AARS1: variants seen among roughly 807,000 people sequenced by gnomAD.
AARS1 encodes the protein alanine--tRNA ligase, cytoplasmic.
A neutral mutation model predicts 108.9 loss-of-function variants in AARS1; 72 were observed. The ratio of observed to expected loss-of-function variants is 0.66; its 90% CI spans 0.55 to 0.80. The LOEUF (loss-of-function observed/expected upper bound fraction) is 0.80. Among genes scored for constraint, AARS1 ranks in the 30% least tolerant of loss-of-function variants. The pLI is 0.00. For missense variants in AARS1, 1,193 were observed against 1,233.2 expected, an observed-to-expected ratio of 0.97 and a Z score of 0.49; for synonymous variants, 489 against 465.7, an observed-to-expected ratio of 1.05 and a Z score of -0.64.
chr16:70,277,449 G>A lies in AARS1; in HGVS notation c.145-295C>T, dbSNP rs143531710. Among the ~76,000 whole-genome samples, 827 of 152,214 alleles carry A rather than the reference G, an allele frequency of 5.4e-3. 16 individuals are homozygous for A. The highest frequency in any genetic ancestry group is 0.018 in the African/African-American group (765 of 41,520). ...CAGCCACAGGTTGATGTGGTAAAAC[G>A]TGGGCTTCTTCACCAGTCTCTGAAG... On this transcript the variant is annotated intron_variant, in intron 2 of 20. Transcript: ENST00000261772.
chr16:70,271,821 C>T lies in AARS1; in HGVS notation c.631G>A (p.Val211Met). The change falls in exon 5 of 21, where the codon GTG becomes ATG. Residue 211 changes from valine (V) to methionine (M), a missense_variant. Physicochemically the swap from Val to Met is conservative, Grantham distance 21 (BLOSUM62 1). Coordinates refer to ENST00000261772, the MANE Select transcript of AARS1 (RefSeq NM_001605.3). ...AACACAAGGTTCCAGATCTCCAGCA[C>T]ATTAGGGTCGTCCTGGTTGACAAGA... Reference protein sequence around the residue: ...AHLVNQDDPNVLEIWNLVFIQ... With the variant: ...AHLVNQDDPNMLEIWNLVFIQ... 6.2e-7 allele frequency: 1 copy of T among 1,613,858 alleles called. No individual in the cohort carries two copies.
At chr16:70,266,482 T>A (rs1960266349) in intron 9 of AARS1, among the ~76,000 whole-genome samples, 2 of 148,628 alleles carry the variant, frequency 1.3e-5, no homozygotes, top group African/African-American at 5.0e-5. Context: ...GGCAACAGAG[T>A]GAGACTCCAT....
At chr16:70,275,466 T>C (rs1449527691) in intron 4 of AARS1, among the ~76,000 whole-genome samples, 2 of 129,272 alleles carry the variant, frequency 1.5e-5, no homozygotes, top group Admixed American at 7.9e-5. Flanking sequence ...AATATATATA[T>C]ATAAAAAAAC....
Position 70,254,323 on chromosome 16 carries a change from C to T in AARS1, c.2401-285G>A, listed in dbSNP as rs1327334783. 6 of 585,332 alleles carry T rather than the reference C, an allele frequency of 1.0e-5. No homozygotes were observed. The African/African-American group carries it at 1.1e-4, about 11-fold the overall frequency. The allele number at this position is 585,332 out of a possible 1,614,324, so 36.3% of individuals were successfully genotyped here. A position where few individuals can be genotyped will look rare whatever the true frequency, so the allele number is the denominator to read the frequency against. On this transcript the variant is annotated intron_variant, in intron 17 of 20. Transcript: ENST00000261772. The stretch of plus-strand genomic sequence containing the variant: ...GGCAGCTTGAAATGCAAATAAATAC[C>T]AGGCAGGCTTGGAAGCAGGGGCCAG...
chr16:70,260,320 G>T (rs890646193), intron 13 of AARS1, among the ~76,000 whole-genome samples: 1 of 152,194 alleles, frequency 6.6e-6, no homozygotes, highest in Non-Finnish European at 1.5e-5. Flanking sequence ...AGTGACAGGT[G>T]AGGAGAAACC....
intron 7 of AARS1, among the ~76,000 whole-genome samples, chr16:70,268,782 C>G (rs1215207179): frequency 6.6e-6 from 1 of 152,212 alleles, no homozygotes; most frequent in Admixed American, 6.5e-5. Flanking sequence ...ATCATCTGTA[C>G]TCAGCAGCAG....
intron 3 of AARS1, 34 bp from the exon 4 acceptor site, chr16:70,276,665 T>C (rs1439978773): frequency 6.2e-6 from 10 of 1,611,740 alleles, no homozygotes; most frequent in Admixed American, 1.7e-5. Flanking sequence ...ATATGGAACA[T>C]TGCCAAACCA....
chr16:70,281,277 A>G (rs1486119966), intron 2 of AARS1, among the ~76,000 whole-genome samples: 1 of 152,170 alleles, frequency 6.6e-6, no homozygotes, highest in African/African-American at 2.4e-5. Context: ...CTGTAATCAC[A>G]CCACTTTGGG....
intron 17 of AARS1, chr16:70,254,303 C>A: frequency 1.7e-6 from 1 of 595,278 alleles, no homozygotes; most frequent in Non-Finnish European, 3.0e-6. Flanking sequence ...TTCCTGGCAG[C>A]TTGAAATGCA....
intron 2 of AARS1, among the ~76,000 whole-genome samples, chr16:70,280,916 C>T (rs1023413103): frequency 3.3e-5 from 5 of 152,290 alleles, no homozygotes; most frequent in African/African-American, 1.2e-4. Context: ...TAGCCTTGAC[C>T]TCCCAGGCTC....
In AARS1 at chr16:70,259,209, T is replaced by A. The variant is rs1054341533; in HGVS notation, c.1786-23A>T. ...GGGCTGGAAAGGGCAGAGGGGCTCA[T>A]GGAGAGGTCTGTAATAGACTGCTAG... On this transcript the variant is annotated intron_variant, in intron 13 of 20. Transcript: ENST00000261772. 9 of 1,606,048 alleles carry A rather than the reference T, an allele frequency of 5.6e-6. 1 individual carries two copies. The highest frequency in any genetic ancestry group is 1.7e-5 in the Admixed American group (1 of 59,988).
chr16:70,285,060 T>C (rs1313021287), intron 1 of AARS1, among the ~76,000 whole-genome samples: 1 of 152,126 alleles, frequency 6.6e-6, no homozygotes, highest in Non-Finnish European at 1.5e-5. Context: ...TGAAACCCCA[T>C]CTCTACTAAA....
At chr16:70,259,977 G>A (rs942077360) in intron 13 of AARS1, among the ~76,000 whole-genome samples, 8 of 152,170 alleles carry the variant, frequency 5.3e-5, no homozygotes, top group African/African-American at 1.7e-4. Context: ...TCTCCATGTT[G>A]GTCAGGCTGG....
At chr16:70,258,321 T>A (rs1960044810) in intron 14 of AARS1, 104 bp from the exon 15 acceptor site, 4 of 1,324,306 alleles carry the variant, frequency 3.0e-6, no homozygotes, top group Non-Finnish European at 4.2e-6. Flanking sequence ...GGTTCCAACC[T>A]GGCTTGGCCT....
chr16:70,265,589 C>T lies in AARS1; in HGVS notation c.1296G>A (p.Lys432=). Residue 432 remains lysine (K), a synonymous_variant, in exon 10 of 21, where the codon AAG becomes AAA. Transcript: ENST00000261772. ...VDLTGLIAEE[K]GLVVDMDGFE... is the part of the protein sequence containing the mutation. ...AGCCATCCATGTCTACCACCAGGCC[C>T]TTCTCTTCAGCAATCAGTCCAGTCA... is the stretch of plus-strand genomic sequence containing the variant. 1 of 1,614,046 alleles carries T rather than the reference C, an allele frequency of 6.2e-7. No homozygotes were observed. The highest frequency in any genetic ancestry group is 8.5e-7 in the Non-Finnish European group (1 of 1,179,958).
Position 70,270,244 on chromosome 16 carries a change from G to C in AARS1, c.768C>G (p.Ser256=), listed in dbSNP as rs1461818071. 2.5e-6 allele frequency: 4 copies of C among 1,614,152 alleles called. No individual in the cohort carries two copies. The highest frequency in any genetic ancestry group is 3.4e-6 in the Non-Finnish European group (4 of 1,180,030). Residue 256 remains serine, a synonymous_variant, in exon 6 of 21, where the codon TCC becomes TCG. Coordinates refer to ENST00000261772, the MANE Select transcript of AARS1 (RefSeq NM_001605.3). ...RLVSVLQNKM[S]NYDTDLFVPY... is the part of the protein sequence containing the mutation. ...GGACAAAAAGGTCAGTGTCATAGTT[G>C]GACATCTTATTCTGCAGCACAGATA...
In AARS1 at chr16:70,259,076, G is replaced by A. The variant is rs1038620594; in HGVS notation, c.1896C>T (p.Asp632=). Residue 632 remains aspartate, a synonymous_variant, in exon 14 of 21, where the codon GAC becomes GAT. Coordinates refer to ENST00000261772, the MANE Select transcript of AARS1 (RefSeq NM_001605.3). ...TGGCAGTAAAGTCAAATCTGAGGCGGTCAGGAGCAACCAATGAGCCTTTCT... is the reference window on the plus strand; with the variant it reads ...TGGCAGTAAAGTCAAATCTGAGGCGATCAGGAGCAACCAATGAGCCTTTCT... ...ADQKGSLVAP[D]RLRFDFTAKG... 2 of 1,614,082 alleles carry A rather than the reference G, an allele frequency of 1.2e-6. No homozygotes were observed. The highest frequency in any genetic ancestry group is 2.7e-5 in the African/African-American group (2 of 74,918).
chr16:70,274,711 C>T (rs896618261), intron 4 of AARS1, among the ~76,000 whole-genome samples: 12 of 121,054 alleles, frequency 9.9e-5, no homozygotes, highest in African/African-American at 3.2e-4. Flanking sequence ...GGCGACAGAG[C>T]GAGATTCCAT....
At position 70,270,289 on chromosome 16, in the gene AARS1, C is replaced by A; in HGVS notation, c.723G>T (p.Gly241=). 6.2e-7 allele frequency: 1 copy of A among 1,614,144 alleles called. No individual in the cohort carries two copies. The highest frequency in any genetic ancestry group is 8.5e-7 in the Non-Finnish European group (1 of 1,180,018). ...KPLPKKSIDT[G]MGLERLVSVL... is the part of the protein sequence containing the mutation. ...CAGATACCAGTCGTTCCAGGCCCAT[C>A]CCTGTGTCAATGCTTTTCTTGGGAA... The change falls in exon 6 of 21, where the codon GGG becomes GGT. Residue 241 remains glycine (G), a synonymous_variant. Transcript: ENST00000261772.
Sources: gnomAD v4.1 joint callset for allele counts (sites outside exome capture counted in the v4.1 genomes callset) on GRCh38, gnomAD v4.1.1 for gene constraint, MANE v1.5 for transcripts, NCBI Gene and HGNC (gene_info 2026-07-23, HGNC 2026-07-21) for gene names.